ADAM23: variants seen among roughly 807,000 people sequenced by gnomAD.
ADAM23 encodes the protein disintegrin and metalloproteinase domain-containing protein 23.
In ADAM23, 33 loss-of-function variants were observed where a neutral mutation model predicts 120.1. That is an observed-to-expected ratio of 0.27 (90% CI 0.21 to 0.37). ADAM23 has a LOEUF of 0.37. ADAM23 is among the 10% of genes least tolerant of loss of function. The pLI is 1.00. For missense variants in ADAM23, 862 were observed against 1,058.2 expected, an observed-to-expected ratio of 0.81 and a Z score of 2.57; for synonymous variants, 367 against 375.2, an observed-to-expected ratio of 0.98 and a Z score of 0.25.
At chr2:206,598,869 C>T (rs1224265948) in intron 24 of ADAM23, among the ~76,000 whole-genome samples, 2 of 151,890 alleles carry the variant, frequency 1.3e-5, no homozygotes, top group Non-Finnish European at 2.9e-5. Flanking sequence ...CACTGTACTC[C>T]AGCCTGGGTG....
intron 25 of ADAM23, among the ~76,000 whole-genome samples, chr2:206,610,649 C>G (rs1698809725): frequency 6.6e-6 from 1 of 152,056 alleles, no homozygotes; most frequent in Non-Finnish European, 1.5e-5. Flanking sequence ...TTCATAGTGA[C>G]CTTTTAGTTT....
chr2:206,493,066 A>G (rs1696165295), intron 3 of ADAM23, among the ~76,000 whole-genome samples: 1 of 152,218 alleles, frequency 6.6e-6, no homozygotes, highest in Non-Finnish European at 1.5e-5. Context: ...TTGACATCAC[A>G]TGAACTGGCT....
At chr2:206,610,093 A>G (rs1698799522) in intron 25 of ADAM23, 93 bp downstream of exon 25, 2 of 1,138,246 alleles carry the variant, frequency 1.8e-6, no homozygotes, top group South Asian at 1.9e-5. Context: ...ACAAGAGCTT[A>G]GGTTCTGTCA....
rs1047766626 is a variant in ADAM23, at chr2:206,619,224, A to G, written c.*1597A>G. Reference sequence around the variant, plus strand: ...CAGTGGACCGTTGCACTGGATTATAATGGGATTCTACTATATACAAATCCA... The same window carrying G: ...CAGTGGACCGTTGCACTGGATTATAGTGGGATTCTACTATATACAAATCCA... On this transcript the variant is annotated 3_prime_UTR_variant, in exon 26 of 26. Coordinates refer to ENST00000264377, the MANE Select transcript of ADAM23 (RefSeq NM_003812.4). 3 of 152,212 alleles carry G rather than the reference A, an allele frequency of 2.0e-5. No individual in the cohort carries two copies. The highest frequency in any genetic ancestry group is 2.9e-5 in the Non-Finnish European group (2 of 68,042). The allele number at this position is 152,212 out of a possible 1,614,324, so 9.4% of individuals were successfully genotyped here.
At chr2:206,451,202 G>A (rs1695186600) in intron 2 of ADAM23, among the ~76,000 whole-genome samples, 1 of 152,196 alleles carries the variant, frequency 6.6e-6, no homozygotes, top group African/African-American at 2.4e-5. Flanking sequence ...TTGGGTAGTA[G>A]CAGGTTATTT....
chr2:206,476,008 ATAGAATAAACATTGTTTTTTCTATGT>A (rs1695767132), intron 2 of ADAM23, among the ~76,000 whole-genome samples: 1 of 152,224 alleles, frequency 6.6e-6, no homozygotes, highest in African/African-American at 2.4e-5. Flanking sequence ...TTTAACAGAC[ATAGAATAAACATTGTTTTTTCTATGT>A]TAGAATAAAC....
intron 4 of ADAM23, among the ~76,000 whole-genome samples, chr2:206,536,309 T>C (rs901997955): frequency 6.6e-6 from 1 of 151,848 alleles, no homozygotes; most frequent in Non-Finnish European, 1.5e-5. Flanking sequence ...TCTAAAAAAG[T>C]CGAATATGTA....
chr2:206,587,967 TA>T, intron 19 of ADAM23, 123 bp from the exon 20 acceptor site: 2 of 932,366 alleles, frequency 2.1e-6, no homozygotes, highest in Non-Finnish European at 1.7e-6. Flanking sequence ...CTGGTCACTA[TA>T]AAAATATTAG....
chr2:206,456,117 AAAG>A (rs1695294380), intron 2 of ADAM23, among the ~76,000 whole-genome samples: 1 of 152,222 alleles, frequency 6.6e-6, no homozygotes, highest in Non-Finnish European at 1.5e-5. Context: ...TTTATGAAGA[AAAG>A]AAGTTTAATT....
chr2:206,525,842 A>T (rs1696933526), intron 3 of ADAM23, among the ~76,000 whole-genome samples: 1 of 152,034 alleles, frequency 6.6e-6, no homozygotes, highest in African/African-American at 2.4e-5. Flanking sequence ...CGCCTGCCTC[A>T]GTCTCCCAAA....
chr2:206,547,638 A>G (rs975869306), intron 7 of ADAM23, 137 bp downstream of exon 7: 1 of 643,352 alleles, frequency 1.6e-6, no homozygotes, highest in Non-Finnish European at 2.6e-6. Context: ...CAGCACTGGA[A>G]TGAGTGGTGG....
At chr2:206,572,541 C>T (rs1036810871) in intron 17 of ADAM23, among the ~76,000 whole-genome samples, 2 of 152,142 alleles carry the variant, frequency 1.3e-5, no homozygotes, top group Non-Finnish European at 2.9e-5. Flanking sequence ...ATGTCCCCAA[C>T]CAGATTATAA....
chr2:206,597,134 G>C, intron 24 of ADAM23, among the ~76,000 whole-genome samples: 1 of 150,496 alleles, frequency 6.6e-6, no homozygotes. Flanking sequence ...TCAAAGTTCT[G>C]GGATTATAGG....
At chr2:206,516,709 A>G (rs1044993693) in intron 3 of ADAM23, among the ~76,000 whole-genome samples, 1 of 152,110 alleles carries the variant, frequency 6.6e-6, no homozygotes, top group Non-Finnish European at 1.5e-5. Context: ...TAGGGCCTCA[A>G]TATATGAATT....
intron 3 of ADAM23, among the ~76,000 whole-genome samples, chr2:206,522,115 A>G (rs1183948225): frequency 1.3e-5 from 2 of 151,916 alleles, no homozygotes; most frequent in Non-Finnish European, 2.9e-5. Flanking sequence ...TAGGTTATAT[A>G]TATGTATGTA....
chr2:206,502,508 G>A (rs1574500990), intron 3 of ADAM23, among the ~76,000 whole-genome samples: 1 of 152,050 alleles, frequency 6.6e-6, no homozygotes, highest in African/African-American at 2.4e-5. Context: ...TCAAACACTT[G>A]TAAATCGTAT....
At chr2:206,615,179 T>C (rs1259216814) in intron 25 of ADAM23, among the ~76,000 whole-genome samples, 1 of 151,908 alleles carries the variant, frequency 6.6e-6, no homozygotes, top group Non-Finnish European at 1.5e-5. Context: ...GTAGATGTTA[T>C]GTGTATAATG....
At chr2:206,574,165 C>T (rs555246850) in intron 18 of ADAM23, among the ~76,000 whole-genome samples, 9 of 152,156 alleles carry the variant, frequency 5.9e-5, no homozygotes, top group African/African-American at 1.4e-4. Flanking sequence ...GTGTTAACAA[C>T]GTCATCTTCA....
chr2:206,470,067 C>T (rs983630158), intron 2 of ADAM23, among the ~76,000 whole-genome samples: 10 of 152,036 alleles, frequency 6.6e-5, no homozygotes, highest in African/African-American at 2.2e-4. Flanking sequence ...TTGTATTAGC[C>T]ATCCCCCACA....
Sources: gnomAD v4.1 joint callset for allele counts (sites outside exome capture counted in the v4.1 genomes callset) on GRCh38, gnomAD v4.1.1 for gene constraint, MANE v1.5 for transcripts, NCBI Gene and HGNC (gene_info 2026-07-23, HGNC 2026-07-21) for gene names.